SIPA1L2: variants seen among roughly 807,000 people sequenced by gnomAD.
SIPA1L2 encodes the protein signal-induced proliferation-associated 1-like protein 2.
Under a neutral mutation model 163.9 loss-of-function variants are expected in SIPA1L2, and 56 were observed. The ratio of observed to expected loss-of-function variants is 0.34; its 90% CI spans 0.28 to 0.43. The LOEUF (loss-of-function observed/expected upper bound fraction) is 0.43, where lower values mean the gene tolerates loss of function less well. Ranked by LOEUF, SIPA1L2 falls within the 20% of genes least tolerant of loss-of-function variation. SIPA1L2 has a pLI of 1.00. For synonymous variants in SIPA1L2, 877 were observed against 865.7 expected (o/e 1.01, Z -0.23); for missense variants, 1,974 against 2,193.5 (o/e 0.90, Z 2.00).
chr1:232,591,487 G>A (rs1660956784), intron 1 of SIPA1L2, among the ~76,000 whole-genome samples: 2 of 152,268 alleles, frequency 1.3e-5, no homozygotes, highest in South Asian at 4.1e-4. Flanking sequence ...CCCCACCAGG[G>A]CCAGGAATGT....
At chr1:232,449,069 T>G (rs1663389348) in intron 10 of SIPA1L2, among the ~76,000 whole-genome samples, 1 of 151,792 alleles carries the variant, frequency 6.6e-6, no homozygotes, top group Non-Finnish European at 1.5e-5. Flanking sequence ...GACAAGCAGA[T>G]GTAAACCATC....
intron 6 of SIPA1L2, among the ~76,000 whole-genome samples, chr1:232,481,007 G>A (rs1665325806): frequency 6.6e-6 from 1 of 151,866 alleles, no homozygotes; most frequent in South Asian, 2.1e-4. Context: ...TTCATAAAAG[G>A]CATTTTCATG....
Position 232,465,340 on chromosome 1 carries a change from C to A in SIPA1L2, c.2320G>T (p.Ala774Ser), listed in dbSNP as rs796834736. Residue 774 changes from alanine to serine, a missense_variant, in exon 9 of 23, where the codon GCC becomes TCC. Transcript: ENST00000674635. This position sits in a 1 kb window ranked among gnomAD's most constrained non-coding sequence, Gnocchi z 4.1. ...GCTAAAAGGAAGTCCCGGAACACGG[C>A]TGACTTTGGAAAAGTTACACCTTTG... The part of the protein sequence containing the change: ...IPKGVTFPKS[A>S]VFRDFLLAKV... 2.5e-6 allele frequency: 4 copies of A among 1,614,168 alleles called. 1 individual carries two copies. The highest frequency in any genetic ancestry group is 4.5e-5 in the East Asian group (2 of 44,872).
chr1:232,425,662 G>C lies in SIPA1L2; in HGVS notation c.4557C>G (p.Phe1519Leu). 6.2e-7 allele frequency: 1 copy of C among 1,613,492 alleles called. No homozygotes were observed. Among genetic ancestry groups the C allele is most frequent in the East Asian group, 2.2e-5 (1 of 44,850 alleles). ...LDQALPNDIL[F>L]STTPPYHSTL... ...TGCTGTGGTAGGGTGGGGTGGTGCTGAACAGAATGTCGTTGGGCAGGGCCT... is the reference window on the plus strand; with the variant it reads ...TGCTGTGGTAGGGTGGGGTGGTGCTCAACAGAATGTCGTTGGGCAGGGCCT... Residue 1519 changes from phenylalanine (F) to leucine (L), a missense_variant, in exon 18 of 23, where the codon TTC becomes TTG. This residue lies in a region of SIPA1L2 where 1,079 missense variants were observed against 1,150.7 expected (regional missense o/e 0.94). Coordinates refer to ENST00000674635, the MANE Select transcript of SIPA1L2 (RefSeq NM_020808.5).
At chr1:232,542,633 C>G (rs753067794) in intron 2 of SIPA1L2, among the ~76,000 whole-genome samples, 1 of 152,192 alleles carries the variant, frequency 6.6e-6, no homozygotes, top group Non-Finnish European at 1.5e-5. Flanking sequence ...GTACTTCCCA[C>G]TCTCCAAGAC....
chr1:232,615,770 G>C (rs971311866), intron 1 of SIPA1L2, among the ~76,000 whole-genome samples: 5 of 151,926 alleles, frequency 3.3e-5, no homozygotes, highest in African/African-American at 9.6e-5. Context: ...CTTCCAATGA[G>C]GGGGGGCAGG....
intron 18 of SIPA1L2, among the ~76,000 whole-genome samples, chr1:232,423,080 A>G (rs1380662337): frequency 6.6e-6 from 1 of 152,198 alleles, no homozygotes; most frequent in Non-Finnish European, 1.5e-5. Flanking sequence ...GCAGTGAGTC[A>G]CAGCTCCCAG....
chr1:232,421,892 C>A (rs1413720257), intron 18 of SIPA1L2, among the ~76,000 whole-genome samples: 3 of 152,196 alleles, frequency 2.0e-5, no homozygotes, highest in African/African-American at 7.2e-5. Flanking sequence ...TCTAAGAATT[C>A]TCATCAGTCC....
chr1:232,545,523 T>C (rs945377222), intron 2 of SIPA1L2, among the ~76,000 whole-genome samples: 2 of 152,222 alleles, frequency 1.3e-5, no homozygotes, highest in Non-Finnish European at 2.9e-5. Flanking sequence ...ACTACCACCC[T>C]TACAGAAGCT....
intron 1 of SIPA1L2, among the ~76,000 whole-genome samples, chr1:232,629,261 T>C (rs911635603): frequency 6.6e-6 from 1 of 152,208 alleles, no homozygotes; most frequent in Non-Finnish European, 1.5e-5. Flanking sequence ...CCCAGGGATA[T>C]TCCCAGGACG....
intron 16 of SIPA1L2, among the ~76,000 whole-genome samples, chr1:232,430,836 G>A (rs1315818901): frequency 6.6e-6 from 1 of 152,154 alleles, no homozygotes; most frequent in Non-Finnish European, 1.5e-5. Flanking sequence ...AGCATGTGTG[G>A]GGACTGCCAT....
Position 232,499,243 on chromosome 1 carries a change from G to C in SIPA1L2, c.1484-5583C>G, listed in dbSNP as rs542550371. Among the ~76,000 whole-genome samples the C allele has an allele frequency of 1.2e-4, 19 of 152,308 alleles. No individual in the cohort carries two copies. The South Asian group carries it at 3.9e-3, about 32-fold the overall frequency. On this transcript the variant is annotated intron_variant, in intron 3 of 22. Coordinates refer to ENST00000674635, the MANE Select transcript of SIPA1L2 (RefSeq NM_020808.5). ...AAAACGATTACGCTTAGTGAGGAAG[G>C]CATGTCAATAGCCGAGACAGGCTGA...
chr1:232,443,972 A>G (rs1405810008), intron 11 of SIPA1L2, among the ~76,000 whole-genome samples: 1 of 152,230 alleles, frequency 6.6e-6, no homozygotes, highest in Non-Finnish European at 1.5e-5. Flanking sequence ...TCCCTCCCAG[A>G]GAAATACAGA....
At chr1:232,541,142 C>T (rs577932581) in intron 2 of SIPA1L2, among the ~76,000 whole-genome samples, 12 of 152,178 alleles carry the variant, frequency 7.9e-5, no homozygotes, top group African/African-American at 2.9e-4. Context: ...TAATGCACAC[C>T]GGGCTTAAAA....
Position 232,414,467 on chromosome 1 carries a change from G to C in SIPA1L2, c.4762+1027C>G, listed in dbSNP as rs530299243. Among the ~76,000 whole-genome samples, 4 of 152,300 alleles carry C rather than the reference G, an allele frequency of 2.6e-5. No individual in the cohort carries two copies. In the East Asian group the frequency reaches 7.7e-4, roughly 29 times the overall value. On this transcript the variant is annotated intron_variant, in intron 19 of 22. Coordinates refer to ENST00000674635, the MANE Select transcript of SIPA1L2 (RefSeq NM_020808.5). ...AAAAGAATTTGATTTTGTTTCCTGA[G>C]GCCTGGTGTCACAGGTGATGGGGCT...
At chr1:232,444,265 C>T (rs1339994680) in intron 11 of SIPA1L2, among the ~76,000 whole-genome samples, 1 of 151,946 alleles carries the variant, frequency 6.6e-6, no homozygotes, top group African/African-American at 2.4e-5. Flanking sequence ...CTGGTTTTCT[C>T]CTATAATTTA....
At chr1:232,436,271 G>C (rs1321374440) in intron 15 of SIPA1L2, among the ~76,000 whole-genome samples, 1 of 152,198 alleles carries the variant, frequency 6.6e-6, no homozygotes, top group Non-Finnish European at 1.5e-5. Context: ...GATAGGCCAC[G>C]ACCCTATCAG....
Position 232,464,861 on chromosome 1 carries a change from C to T in SIPA1L2, c.2799G>A (p.Arg933=). The part of the protein sequence containing the change: ...SSVDNCAEDI[R]EIVQRLVIVT... ...TTACTACTAATCGCTGAACAATTTC[C>T]CTGATGTCTTCAGCACAGTTGTCTA... Residue 933 remains arginine, a synonymous_variant, in exon 9 of 23, where the codon AGG becomes AGA. Coordinates refer to ENST00000674635, the MANE Select transcript of SIPA1L2 (RefSeq NM_020808.5). 6.2e-7 allele frequency: 1 copy of T among 1,606,150 alleles called. No homozygotes were observed. The highest frequency in any genetic ancestry group is 1.3e-5 in the African/African-American group (1 of 74,794).
chr1:232,599,600 C>T (rs1055287405), intron 1 of SIPA1L2, among the ~76,000 whole-genome samples: 3 of 152,174 alleles, frequency 2.0e-5, no homozygotes, highest in Non-Finnish European at 4.4e-5. Context: ...GTGATGACCT[C>T]GAAGTTCTGG....
Sources: allele counts gnomAD v4.1 joint callset (sites outside exome capture counted in the v4.1 genomes callset), GRCh38; gene constraint gnomAD v4.1.1; regional missense constraint gnomAD v4.1.1; non-coding constraint Gnocchi (gnomAD v3.1); transcripts MANE v1.5; gene names NCBI Gene and HGNC (gene_info 2026-07-23, HGNC 2026-07-21).